Variants in RAB27B observed in about 807,000 individuals in gnomAD.
RAB27B encodes the protein RAB27B, member RAS oncogene family.
In RAB27B, 15 loss-of-function variants were observed where a neutral mutation model predicts 24.6. That is an observed-to-expected ratio of 0.61 (90% confidence interval 0.41 to 0.94). RAB27B has a LOEUF of 0.94. RAB27B is among the 40% of genes least tolerant of loss of function. The pLI is 0.00. For missense variants in RAB27B, 261 were observed against 266.8 expected, an observed-to-expected ratio of 0.98 and a Z score of 0.15; for synonymous variants, 105 against 92.5, an observed-to-expected ratio of 1.14 and a Z score of -0.78.
At chr18:54,873,187 G>C (rs1325582928) in intron 1 of RAB27B, among the ~76,000 whole-genome samples, 1 of 152,180 alleles carries the variant, frequency 6.6e-6, no homozygotes, top group Non-Finnish European at 1.5e-5. Context: ...CAAAAACTGA[G>C]GGGCTAGACC....
At chr18:54,777,860 TCC>T (rs10707747) in intron 2 of RAB27B, among the ~76,000 whole-genome samples, 55 of 150,902 alleles carry the variant, frequency 3.6e-4, no homozygotes, top group African/African-American at 1.3e-3. Context: ...GCATCCTCTC[TCC>T]CCCCCCACCC....
At chr18:54,792,212 C>A (rs939481894) in intron 2 of RAB27B, among the ~76,000 whole-genome samples, 2 of 152,156 alleles carry the variant, frequency 1.3e-5, no homozygotes, top group Non-Finnish European at 2.9e-5. Context: ...GCCGTGAGGT[C>A]GGAGCCCCAT....
intron 2 of RAB27B, among the ~76,000 whole-genome samples, chr18:54,822,675 GTTCTT>G (rs1910347746): frequency 6.6e-6 from 1 of 152,064 alleles, no homozygotes; most frequent in Non-Finnish European, 1.5e-5. Context: ...TATTTGCTTA[GTTCTT>G]ATTTTTATAA....
At chr18:54,830,254 C>T (rs1329265198) in intron 1 of RAB27B, among the ~76,000 whole-genome samples, 1 of 152,190 alleles carries the variant, frequency 6.6e-6, no homozygotes, top group Admixed American at 6.5e-5. Context: ...TTCAGAATTG[C>T]TGTTCATTTA....
intron 2 of RAB27B, among the ~76,000 whole-genome samples, chr18:54,749,777 C>T (rs2145029325): frequency 6.6e-6 from 1 of 152,206 alleles, no homozygotes; most frequent in Admixed American, 6.5e-5. Context: ...TAACATTTTT[C>T]TAATATTCAT....
intron 2 of RAB27B, among the ~76,000 whole-genome samples, chr18:54,725,633 C>T (rs1274501535): frequency 6.6e-6 from 1 of 151,438 alleles, no homozygotes; most frequent in Non-Finnish European, 1.5e-5. Context: ...TGGCAGAGGG[C>T]ACCTCTTCAC....
chr18:54,824,464 A>G (rs1228896337), upstream of RAB27B, among the ~76,000 whole-genome samples: 2 of 152,196 alleles, frequency 1.3e-5, no homozygotes, highest in African/African-American at 4.8e-5. Flanking sequence ...CAGCTGAGGT[A>G]GCCATGTCAC....
chr18:54,729,521 A>T (rs572552173), intron 2 of RAB27B, among the ~76,000 whole-genome samples: 1 of 152,336 alleles, frequency 6.6e-6, no homozygotes, highest in East Asian at 1.9e-4. Flanking sequence ...AATGGAGGCA[A>T]TCGTTTGATT....
upstream of RAB27B, among the ~76,000 whole-genome samples, chr18:54,825,852 A>G (rs894384148): frequency 9.9e-5 from 15 of 152,118 alleles, no homozygotes; most frequent in Admixed American, 9.2e-4. Context: ...TGTTTACCCC[A>G]CCACCTGGCC....
chr18:54,741,497 T>C (rs1910069033), intron 2 of RAB27B, among the ~76,000 whole-genome samples: 1 of 152,074 alleles, frequency 6.6e-6, no homozygotes, highest in Non-Finnish European at 1.5e-5. Flanking sequence ...TAAGCTCTTT[T>C]TTTCTTCTTT....
At chr18:54,865,656 A>G (rs1387708224) in intron 1 of RAB27B, among the ~76,000 whole-genome samples, 1 of 152,202 alleles carries the variant, frequency 6.6e-6, no homozygotes, top group Non-Finnish European at 1.5e-5. Flanking sequence ...ATTTGATTTT[A>G]AGACAAGTTA....
Position 54,877,751 on chromosome 18 carries a change from T to C in RAB27B, c.153+13T>C. 1 of 1,574,242 alleles carries C rather than the reference T, an allele frequency of 6.4e-7. No homozygotes were observed. Among genetic ancestry groups the C allele is most frequent in the South Asian group, 1.2e-5 (1 of 82,630 alleles). ...GGAAAAACGTGTGGTGAGTTTTTAA[T>C]CGTACTTCTAACCTTGTCACTCATC... On this transcript the variant is annotated intron_variant, in intron 2 of 5. Coordinates refer to ENST00000262094, the MANE Select transcript of RAB27B (RefSeq NM_004163.4).
At chr18:54,741,648 C>T (rs1304536504) in intron 2 of RAB27B, among the ~76,000 whole-genome samples, 1 of 152,104 alleles carries the variant, frequency 6.6e-6, no homozygotes, top group East Asian at 1.9e-4. Flanking sequence ...CATGCACCAC[C>T]ATGCCCAGCT....
At chr18:54,855,240 G>C (rs924989067) in intron 1 of RAB27B, among the ~76,000 whole-genome samples, 1 of 152,186 alleles carries the variant, frequency 6.6e-6, no homozygotes, top group African/African-American at 2.4e-5. Flanking sequence ...ACGGTAATTT[G>C]AGCCATGGGG....
At chr18:54,731,187 T>G (rs1196473097) in intron 2 of RAB27B, among the ~76,000 whole-genome samples, 1 of 152,228 alleles carries the variant, frequency 6.6e-6, no homozygotes, top group Non-Finnish European at 1.5e-5. Flanking sequence ...TTCAAGGGAC[T>G]GTGAAATAAT....
At chr18:54,858,752 A>C (rs1466381267) in intron 1 of RAB27B, among the ~76,000 whole-genome samples, 1 of 152,112 alleles carries the variant, frequency 6.6e-6, no homozygotes, top group Non-Finnish European at 1.5e-5. Flanking sequence ...AGGTTATTGG[A>C]AACTTATAAA....
At chr18:54,815,505 C>A (rs745671348) in intron 2 of RAB27B, among the ~76,000 whole-genome samples, 5 of 152,194 alleles carry the variant, frequency 3.3e-5, no homozygotes, top group Non-Finnish European at 5.9e-5. Flanking sequence ...CCCTCTGCCT[C>A]TGGACTTATC....
At chr18:54,748,336 C>T (rs1412522229) in intron 2 of RAB27B, among the ~76,000 whole-genome samples, 4 of 152,110 alleles carry the variant, frequency 2.6e-5, no homozygotes, top group African/African-American at 9.7e-5. Context: ...CTCCCAGAAC[C>T]TCACAGCAGT....
At chr18:54,869,890 T>C (rs1912394009) in intron 1 of RAB27B, among the ~76,000 whole-genome samples, 1 of 152,176 alleles carries the variant, frequency 6.6e-6, no homozygotes, top group Non-Finnish European at 1.5e-5. Context: ...GTTAATATTC[T>C]ATAACATTTC....
Sources: gnomAD v4.1 joint callset for allele counts (sites outside exome capture counted in the v4.1 genomes callset) on GRCh38, gnomAD v4.1.1 for gene constraint, MANE v1.5 for transcripts, NCBI Gene and HGNC (gene_info 2026-07-23, HGNC 2026-07-21) for gene names.